DACH2: variants seen among roughly 807,000 people sequenced by gnomAD.
DACH2 encodes the protein dachshund homolog 2.
A neutral mutation model predicts 35.8 loss-of-function variants in DACH2; 17 were observed. That is an observed-to-expected ratio of 0.48 (90% CI 0.33 to 0.71). The LOEUF (loss-of-function observed/expected upper bound fraction) is 0.71. Ranked by LOEUF, DACH2 falls within the 30% of genes least tolerant of loss-of-function variation. The pLI is 0.02. For missense variants in DACH2, 469 were observed against 472.7 expected (o/e 0.99, Z 0.07); for synonymous variants, 195 against 177.3 (o/e 1.10, Z -0.79).
chrX:86,707,921 A>AAAAAAAAAAAAAAAAAAAAAAAAAAG (rs2041236630), intron 5 of DACH2, among the ~76,000 whole-genome samples: 1 of 101,029 alleles, frequency 9.9e-6, no homozygotes, highest in Admixed American at 1.1e-4. Context: ...CTAAAAAAAA[A>AAAAAAAAAAAAAAAAAAAAAAAAAAG]AAAAAAAAAT....
At position 86,643,423 on chromosome X, in the gene DACH2, G is replaced by T. The variant is rs1234670843; in HGVS notation, c.641-7613G>T. 2.7e-5 allele frequency among the ~76,000 whole-genome samples: 3 copies of T among 110,409 alleles called. No homozygotes were observed. In the East Asian group the frequency reaches 8.6e-4, roughly 32 times the overall value. ...CCCAAGGCTGAGCCTGGAAGAAATT[G>T]ATTCCCAGAACAGACCAATAACGAG... On this transcript the variant is annotated intron_variant, in intron 3 of 11. Coordinates refer to ENST00000373125, the MANE Select transcript of DACH2 (RefSeq NM_053281.3).
intron 2 of DACH2, among the ~76,000 whole-genome samples, chrX:86,388,842 G>C (rs772058598): frequency 2.1e-4 from 24 of 111,680 alleles, no homozygotes; most frequent in African/African-American, 7.5e-4. Flanking sequence ...ATTTTCCACA[G>C]GTGTTGGTCG....
intron 7 of DACH2, among the ~76,000 whole-genome samples, chrX:86,777,439 G>A (rs959044326): frequency 1.8e-5 from 2 of 110,994 alleles, no homozygotes; most frequent in African/African-American, 3.3e-5. Context: ...GTGGTTTCAG[G>A]GAGAAAGGAA....
Position 86,736,087 on chromosome X carries a change from C to T in DACH2, c.1105-3660C>T, listed in dbSNP as rs141722026. Among the ~76,000 whole-genome samples, 699 of 110,787 alleles carry T rather than the reference C, an allele frequency of 6.3e-3. 4 individuals are homozygous for T. The highest frequency in any genetic ancestry group is 0.01 in the Non-Finnish European group (529 of 52,681). On this transcript the variant is annotated intron_variant, in intron 6 of 11. Coordinates refer to ENST00000373125, the MANE Select transcript of DACH2 (RefSeq NM_053281.3). ...GCTAAAAAATTGATCTGTTTACTTG[C>T]AAAGAAGAAATTGTTCATATAATTA...
At chrX:86,269,171 C>G (rs2033769244) in intron 1 of DACH2, among the ~76,000 whole-genome samples, 1 of 110,709 alleles carries the variant, frequency 9.0e-6, no homozygotes, top group Non-Finnish European at 1.9e-5. Flanking sequence ...CCAGCATACT[C>G]TCTATGTTCA....
At chrX:86,295,456 ACTCT>A (rs1409683420) in intron 1 of DACH2, among the ~76,000 whole-genome samples, 1 of 108,712 alleles carries the variant, frequency 9.2e-6, no homozygotes, top group East Asian at 2.9e-4. Context: ...CAACCAGTTC[ACTCT>A]CTCTGGGCCC....
At chrX:86,216,741 T>G (rs1305182902) in intron 1 of DACH2, among the ~76,000 whole-genome samples, 1 of 111,133 alleles carries the variant, frequency 9.0e-6, no homozygotes, top group Non-Finnish European at 1.9e-5. Context: ...TGGAAAAAAT[T>G]TATATTGTTG....
intron 1 of DACH2, among the ~76,000 whole-genome samples, chrX:86,300,430 A>T (rs1305158894): frequency 9.1e-6 from 1 of 110,117 alleles, no homozygotes. Context: ...TATCGCAAGG[A>T]CAAAAAACCA....
chrX:86,631,855 T>C (rs181826994), intron 3 of DACH2, among the ~76,000 whole-genome samples: 2 of 111,632 alleles, frequency 1.8e-5, no homozygotes, highest in Non-Finnish European at 3.8e-5. Context: ...ACACTGGTAG[T>C]TTAAGGACTG....
At chrX:86,603,995 A>G (rs986177080) in intron 3 of DACH2, among the ~76,000 whole-genome samples, 1 of 111,340 alleles carries the variant, frequency 9.0e-6, no homozygotes, top group African/African-American at 3.3e-5. Flanking sequence ...TTAAATTACA[A>G]TCAGTCTTAT....
intron 3 of DACH2, among the ~76,000 whole-genome samples, chrX:86,622,379 T>A (rs143171059): frequency 0.01 from 1,128 of 111,694 alleles, 17 homozygotes; most frequent in African/African-American, 0.035. Flanking sequence ...AGGAAGTCAA[T>A]CTTCAATTTT....
intron 3 of DACH2, among the ~76,000 whole-genome samples, chrX:86,537,087 G>A (rs1379203805): frequency 9.0e-6 from 1 of 111,135 alleles, no homozygotes; most frequent in Non-Finnish European, 1.9e-5. Flanking sequence ...GGTGGAGAAA[G>A]CTATGCCCCA....
At chrX:86,774,793 C>G (rs1448187206) in intron 7 of DACH2, among the ~76,000 whole-genome samples, 1 of 111,769 alleles carries the variant, frequency 8.9e-6, no homozygotes, top group Non-Finnish European at 1.9e-5. Context: ...ATTGTGTGTG[C>G]CTGCATGTTT....
At chrX:86,677,994 G>T (rs1404391764) in intron 4 of DACH2, among the ~76,000 whole-genome samples, 3 of 112,171 alleles carry the variant, frequency 2.7e-5, no homozygotes, top group Non-Finnish European at 3.8e-5. Flanking sequence ...GCCACCTCTG[G>T]CAGATGGCAT....
In DACH2 at chrX:86,832,152, C is replaced by T. The variant is rs368561976; in HGVS notation, c.1797C>T (p.Ala599=). Residue 599 remains alanine, a synonymous_variant, in exon 12 of 12, where the codon GCC becomes GCT. Transcript: ENST00000373125. The part of the protein sequence containing the change: ...CLEMAQQLYS[A] ...AAATGGCACAACAGTTGTATTCAGC[C>T]TGAAAGGTCCTCGCTGGCTTTACAT... 2.2e-5 allele frequency: 26 copies of T among 1,183,328 alleles called. No homozygotes were observed. The highest frequency in any genetic ancestry group is 3.0e-5 in the Non-Finnish European group (26 of 873,802).
chrX:86,476,764 T>C (rs66921484), intron 2 of DACH2, among the ~76,000 whole-genome samples: 4,101 of 111,583 alleles, frequency 0.037, 83 homozygotes, highest in East Asian at 0.21. Flanking sequence ...GTTTTTCTTC[T>C]TTTTATGGTG....
chrX:86,573,825 A>G lies in DACH2; in HGVS notation c.640+59434A>G, dbSNP rs959580146. ...ACTCAACTGGTTTTAATACCATGTTACCCCTACTCAGGCTGCAAATACTTT... is the reference window on the plus strand; with the variant it reads ...ACTCAACTGGTTTTAATACCATGTTGCCCCTACTCAGGCTGCAAATACTTT... On this transcript the variant is annotated intron_variant, in intron 3 of 11. Coordinates refer to ENST00000373125, the MANE Select transcript of DACH2 (RefSeq NM_053281.3). Among the ~76,000 whole-genome samples the G allele has an allele frequency of 5.4e-5, 6 of 111,572 alleles. No homozygotes were observed. In the East Asian group the frequency reaches 1.7e-3, roughly 32 times the overall value.
chrX:86,396,031 A>G (rs1027201126), intron 2 of DACH2, among the ~76,000 whole-genome samples: 2 of 111,596 alleles, frequency 1.8e-5, no homozygotes, highest in African/African-American at 6.5e-5. Context: ...CTATTCGTCC[A>G]CATCCTCTCC....
At chrX:86,769,992 T>C (rs1342342934) in intron 7 of DACH2, among the ~76,000 whole-genome samples, 2 of 104,891 alleles carry the variant, frequency 1.9e-5, no homozygotes, top group Non-Finnish European at 3.9e-5. Flanking sequence ...CAAGACCCCT[T>C]CTCTATAAAA....
Sources: gnomAD v4.1 joint callset for allele counts (sites outside exome capture counted in the v4.1 genomes callset) on GRCh38, gnomAD v4.1.1 for gene constraint, MANE v1.5 for transcripts, NCBI Gene and HGNC (gene_info 2026-07-23, HGNC 2026-07-21) for gene names.